The following RABGAP1L variants were observed in gnomAD, a reference collection of about 807,000 sequenced individuals.
The protein encoded by RABGAP1L is rab GTPase-activating protein 1-like.
In RABGAP1L, 63 loss-of-function variants were observed where a neutral mutation model predicts 137.7. That is an observed-to-expected ratio of 0.46 (90% CI 0.37 to 0.56). RABGAP1L has a LOEUF of 0.56. Ranked by LOEUF, RABGAP1L falls within the 20% of genes least tolerant of loss-of-function variation. RABGAP1L has a pLI of 0.00. For missense variants in RABGAP1L, 1,095 were observed against 1,244.0 expected, an observed-to-expected ratio of 0.88 and a Z score of 1.80; for synonymous variants, 431 against 433.7, an observed-to-expected ratio of 0.99 and a Z score of 0.08.
chr1:174,540,047 T>TG lies in RABGAP1L; in HGVS notation c.1711-97327dup, dbSNP rs1167242923. Among the ~76,000 whole-genome samples, 103 of 152,382 alleles carry TG rather than the reference T, an allele frequency of 6.8e-4. 1 individual carries two copies. Among genetic ancestry groups the TG allele is most frequent in the African/African-American group, 2.3e-3 (95 of 41,602 alleles). ...TTTGCATTTCTCTGATTGCCAGTGA[T>TG]GATAAGCATTTTTTCATGTGTCTTT... On this transcript the variant is annotated intron_variant, in intron 13 of 25. Coordinates refer to ENST00000681986, the MANE Select transcript of RABGAP1L (RefSeq NM_001366446.1).
chr1:174,565,600 A>G (rs1320170963), intron 13 of RABGAP1L, among the ~76,000 whole-genome samples: 3 of 152,110 alleles, frequency 2.0e-5, no homozygotes, highest in Non-Finnish European at 4.4e-5. Flanking sequence ...CATAATATTT[A>G]TAAGGTTTTC....
chr1:174,804,989 A>G (rs1489433528), intron 18 of RABGAP1L, among the ~76,000 whole-genome samples: 1 of 152,078 alleles, frequency 6.6e-6, no homozygotes, highest in Non-Finnish European at 1.5e-5. Context: ...AACAGAAGTT[A>G]AAAACCCAAA....
At chr1:174,662,811 A>G (rs1309006384) in intron 14 of RABGAP1L, among the ~76,000 whole-genome samples, 1 of 152,260 alleles carries the variant, frequency 6.6e-6, no homozygotes, top group Non-Finnish European at 1.5e-5. Context: ...CCGACCCTGT[A>G]TAGGCCTAGC....
intron 13 of RABGAP1L, among the ~76,000 whole-genome samples, chr1:174,622,168 C>T (rs61826923): frequency 0.09 from 13,620 of 152,170 alleles, 829 homozygotes; most frequent in East Asian, 0.22. Context: ...CATCTCACAC[C>T]GGTTAGAATG....
intron 3 of RABGAP1L, 65 bp from the exon 4 acceptor site, chr1:174,231,080 G>T: frequency 8.2e-7 from 1 of 1,223,848 alleles, no homozygotes; most frequent in Non-Finnish European, 1.2e-6. Flanking sequence ...TTGGGCATTG[G>T]CAAGATTATA....
chr1:174,456,679 G>T (rs1347935503), intron 13 of RABGAP1L, among the ~76,000 whole-genome samples: 3 of 151,982 alleles, frequency 2.0e-5, no homozygotes, highest in Non-Finnish European at 2.9e-5. Flanking sequence ...AAAATTAAAG[G>T]AACTCAAATT....
chr1:174,794,420 G>GA (rs1312860887), intron 18 of RABGAP1L, among the ~76,000 whole-genome samples: 1 of 152,086 alleles, frequency 6.6e-6, no homozygotes, highest in Non-Finnish European at 1.5e-5. Flanking sequence ...TGGAAAGAAT[G>GA]AAAAAAACTA....
At chr1:174,352,770 G>C (rs1683308414) in intron 11 of RABGAP1L, among the ~76,000 whole-genome samples, 1 of 152,154 alleles carries the variant, frequency 6.6e-6, no homozygotes, top group Non-Finnish European at 1.5e-5. Context: ...TTAAGTCTTT[G>C]GTCACTGCAG....
intron 13 of RABGAP1L, among the ~76,000 whole-genome samples, chr1:174,578,033 A>G (rs1016596103): frequency 2.0e-5 from 3 of 152,256 alleles, no homozygotes; most frequent in Admixed American, 2.0e-4. Flanking sequence ...AAGTACTGGG[A>G]ACACCATTCT....
intron 3 of RABGAP1L, among the ~76,000 whole-genome samples, chr1:174,225,525 A>C (rs560098151): frequency 1.4e-3 from 190 of 140,290 alleles, no homozygotes; most frequent in African/African-American, 5.1e-3. Flanking sequence ...TAAAGCAGAC[A>C]TTCCACCTGG....
intron 13 of RABGAP1L, among the ~76,000 whole-genome samples, chr1:174,495,348 T>G (rs1426369992): frequency 6.6e-6 from 1 of 152,194 alleles, no homozygotes; most frequent in Non-Finnish European, 1.5e-5. Context: ...AAGTTTTCCC[T>G]TGCTCCTCTT....
chr1:174,489,420 A>G (rs1572026806), intron 13 of RABGAP1L, among the ~76,000 whole-genome samples: 1 of 152,196 alleles, frequency 6.6e-6, no homozygotes, highest in African/African-American at 2.4e-5. Flanking sequence ...CAACAGACAT[A>G]TGAAAAAATG....
intron 19 of RABGAP1L, among the ~76,000 whole-genome samples, chr1:174,911,281 C>T (rs1660011979): frequency 6.6e-6 from 1 of 152,118 alleles, no homozygotes; most frequent in Non-Finnish European, 1.5e-5. Flanking sequence ...AAGTTTTAAA[C>T]TTGCTTGAAG....
At chr1:174,270,459 G>A (rs61828595) in intron 7 of RABGAP1L, among the ~76,000 whole-genome samples, 13,622 of 152,036 alleles carry the variant, frequency 0.09, 831 homozygotes, top group East Asian at 0.22. Flanking sequence ...GGGAGAGCGG[G>A]GTGAAGGTTG....
At chr1:174,210,065 G>A (rs757765982) in intron 1 of RABGAP1L, among the ~76,000 whole-genome samples, 1 of 152,148 alleles carries the variant, frequency 6.6e-6, no homozygotes, top group Non-Finnish European at 1.5e-5. Context: ...TGCCCCTAAT[G>A]CAGATACAGC....
intron 20 of RABGAP1L, among the ~76,000 whole-genome samples, chr1:174,968,450 C>G (rs1409375706): frequency 2.0e-5 from 3 of 150,070 alleles, no homozygotes; most frequent in Non-Finnish European, 3.0e-5. Context: ...ATACCAAGTT[C>G]ATAGTGTTTA....
intron 12 of RABGAP1L, among the ~76,000 whole-genome samples, chr1:174,385,949 G>A (rs966310063): frequency 2.0e-5 from 3 of 152,152 alleles, no homozygotes; most frequent in African/African-American, 7.2e-5. Flanking sequence ...GTGGATGTGG[G>A]TTGAGAGTTT....
At chr1:174,222,517 G>C (rs937870349) in intron 3 of RABGAP1L, among the ~76,000 whole-genome samples, 2 of 152,154 alleles carry the variant, frequency 1.3e-5, no homozygotes, top group Non-Finnish European at 2.9e-5. Flanking sequence ...AGTAGATAAA[G>C]AACAAGCACT....
At chr1:174,449,953 A>G (rs906419750) in intron 13 of RABGAP1L, among the ~76,000 whole-genome samples, 2 of 152,028 alleles carry the variant, frequency 1.3e-5, no homozygotes, top group East Asian at 3.9e-4. Flanking sequence ...TGTCTTAGCT[A>G]TTGAAAGAAT....
Sources: gnomAD v4.1 joint callset for allele counts (sites outside exome capture counted in the v4.1 genomes callset) on GRCh38, gnomAD v4.1.1 for gene constraint, MANE v1.5 for transcripts, NCBI Gene and HGNC (gene_info 2026-07-23, HGNC 2026-07-21) for gene names.